Variants in ENTREP1 observed in about 807,000 individuals in gnomAD.
The protein encoded by ENTREP1 is Friedreich ataxia region gene X123.
the ENTREP1 span, chr9:69,371,144 T>G: frequency 3.1e-6 from 1 of 320,096 alleles, no homozygotes; most frequent in Non-Finnish European, 6.0e-6. Context: ...TGTATTTGTT[T>G]ATTTGCTGCT....
At chr9:69,372,392 T>A in the ENTREP1 span, among the ~76,000 whole-genome samples, 5 of 152,228 alleles carry the variant, frequency 3.3e-5, no homozygotes, top group East Asian at 7.7e-4. Context: ...TCCGTTTCTA[T>A]GAATTTGAGT....
At chr9:69,329,243 C>A in the ENTREP1 span, 1 of 381,692 alleles carries the variant, frequency 2.6e-6, no homozygotes, top group Non-Finnish European at 3.6e-6. Flanking sequence ...GCTATATCAA[C>A]TGAACCCACA....
At chr9:69,358,945 C>G in the ENTREP1 span, among the ~76,000 whole-genome samples, 1 of 138,608 alleles carries the variant, frequency 7.2e-6, no homozygotes, top group Non-Finnish European at 1.5e-5. Context: ...ACCCTGTCAC[C>G]CAGGCTGGAG....
chr9:69,373,816 G>C, the ENTREP1 span, among the ~76,000 whole-genome samples: 1 of 152,078 alleles, frequency 6.6e-6, no homozygotes, highest in Non-Finnish European at 1.5e-5. Context: ...TTAAATTGGG[G>C]TAGAAGTTAC....
At chr9:69,340,737 G>GCA in the ENTREP1 span, among the ~76,000 whole-genome samples, 2 of 136,120 alleles carry the variant, frequency 1.5e-5, no homozygotes, top group African/African-American at 5.6e-5. Flanking sequence ...GTGTGTGTAT[G>GCA]TGTGTGTGTT....
At chr9:69,325,099 C>A in the ENTREP1 span, 1 of 985,390 alleles carries the variant, frequency 1.0e-6, no homozygotes, top group Non-Finnish European at 1.2e-6. Context: ...GGAGGCGGAC[C>A]CGCCAGGCGG....
At chr9:69,325,067 G>A in the ENTREP1 span, 1 of 985,286 alleles carries the variant, frequency 1.0e-6, no homozygotes, top group Non-Finnish European at 1.2e-6. Context: ...GGGTGAGAGT[G>A]AGGGTGCGCC....
At chr9:69,378,184 C>T in the ENTREP1 span, among the ~76,000 whole-genome samples, 170 of 152,120 alleles carry the variant, frequency 1.1e-3, no homozygotes, top group Middle Eastern at 3.4e-3. Context: ...GATTGAGAGT[C>T]GCTGTTGCCT....
At chr9:69,392,140 T>C in the ENTREP1 span, 2 of 327,004 alleles carry the variant, frequency 6.1e-6, no homozygotes, top group African/African-American at 4.2e-5. Flanking sequence ...CCCTCGTGTC[T>C]CTCTTTGTTG....
At chr9:69,385,763 CTTTTTTTTTTTTT>C in the ENTREP1 span, 3 of 1,243,192 alleles carry the variant, frequency 2.4e-6, no homozygotes, top group Non-Finnish European at 3.1e-6. Flanking sequence ...TGTTTCGCCT[CTTTTTTTTTTTTT>C]TTTTTTTTTT....
At chr9:69,367,862 C>T in the ENTREP1 span, among the ~76,000 whole-genome samples, 1 of 76,260 alleles carries the variant, frequency 1.3e-5, no homozygotes. Flanking sequence ...TATATACACA[C>T]ATATATATAA....
chr9:69,328,491 G>A, the ENTREP1 span, among the ~76,000 whole-genome samples: 1 of 152,072 alleles, frequency 6.6e-6, no homozygotes, highest in African/African-American at 2.4e-5. Flanking sequence ...ATCAACACAT[G>A]GCCACTTTAT....
chr9:69,350,037 T>A, the ENTREP1 span, among the ~76,000 whole-genome samples: 1 of 152,206 alleles, frequency 6.6e-6, no homozygotes, highest in Non-Finnish European at 1.5e-5. Context: ...CTGTGTTGTC[T>A]TTTTACTTTC....
At chr9:69,329,352 C>T in the ENTREP1 span, 1 of 962,780 alleles carries the variant, frequency 1.0e-6, no homozygotes, top group South Asian at 4.8e-5. Context: ...ATTTGTTGAA[C>T]ACAGTATAGT....
At chr9:69,392,043 T>G in the ENTREP1 span, 212 of 555,746 alleles carry the variant, frequency 3.8e-4, 2 homozygotes, top group South Asian at 4.3e-3. Context: ...GATCCTCTTC[T>G]TCCTCTGCTG....
At chr9:69,327,579 T>G in the ENTREP1 span, among the ~76,000 whole-genome samples, 2 of 152,008 alleles carry the variant, frequency 1.3e-5, no homozygotes, top group East Asian at 3.9e-4. Flanking sequence ...GTAAATGCAC[T>G]TAGATATCGG....
the ENTREP1 span, chr9:69,329,749 T>C: frequency 2.0e-6 from 2 of 982,460 alleles, no homozygotes; most frequent in Non-Finnish European, 2.4e-6. Flanking sequence ...TGTGCTGTCC[T>C]AGCTCTCGGT....
the ENTREP1 span, chr9:69,382,906 C>A: frequency 2.5e-6 from 1 of 403,264 alleles, no homozygotes; most frequent in Non-Finnish European, 3.4e-6. Context: ...TACTCCATAG[C>A]AGAATGCAGG....
the ENTREP1 span, chr9:69,324,684 C>G: frequency 2.0e-6 from 2 of 984,444 alleles, no homozygotes; most frequent in Non-Finnish European, 2.4e-6. Context: ...TCGTCCTTCC[C>G]GAAGTCCTTG....
Sources: gnomAD v4.1 joint callset for allele counts (sites outside exome capture counted in the v4.1 genomes callset) on GRCh38, gnomAD v4.1.1 for gene constraint, MANE v1.5 for transcripts, NCBI Gene and HGNC (gene_info 2026-07-23, HGNC 2026-07-21) for gene names.